The following TMEM163 variants were observed in gnomAD, a reference collection of about 807,000 sequenced individuals.
TMEM163 encodes the protein transmembrane protein 163.
A neutral mutation model predicts 29.3 loss-of-function variants in TMEM163; 17 were observed. The observed-to-expected ratio is 0.58, with a 90% CI of 0.40 to 0.87. The LOEUF (loss-of-function observed/expected upper bound fraction) is 0.87, where lower values mean the gene tolerates loss of function less well. TMEM163 is among the 40% of genes least tolerant of loss of function. The probability of loss-of-function intolerance (pLI) is 0.00; values close to 1 mark genes in which losing one functional copy is unlikely to be tolerated. For missense variants in TMEM163, 303 were observed against 381.5 expected (o/e 0.79, Z 1.71); for synonymous variants, 157 against 160.6 (o/e 0.98, Z 0.17).
intron 2 of TMEM163, among the ~76,000 whole-genome samples, chr2:134,576,361 G>A (rs1681555680): frequency 6.6e-6 from 1 of 152,090 alleles, no homozygotes; most frequent in Non-Finnish European, 1.5e-5. Flanking sequence ...ATGCCACAAG[G>A]GCCTGGTATG....
chr2:134,460,374 CA>C lies in TMEM163; in HGVS notation c.668-2202del, dbSNP rs1686507854. 6.6e-6 allele frequency among the ~76,000 whole-genome samples: 1 copy of C among 152,144 alleles called. No homozygotes were observed. The highest frequency in any genetic ancestry group is 2.4e-5 in the African/African-American group (1 of 41,422). ...CTCAGCCCCTAAACTTCCTCCCCTC[CA>C]CCCACCACTCCCTCCTGCCTCCAGC... is the stretch of plus-strand genomic sequence containing the variant. On this transcript the variant is annotated intron_variant, in intron 6 of 7. Transcript: ENST00000281924. This position sits in a 1 kb window ranked among gnomAD's most constrained non-coding sequence, Gnocchi z 4.3.
chr2:134,717,787 G>A (rs562836772), intron 1 of TMEM163, among the ~76,000 whole-genome samples: 3 of 152,216 alleles, frequency 2.0e-5, no homozygotes, highest in Non-Finnish European at 4.4e-5. Flanking sequence ...GATTCAGCAA[G>A]AAGTAGAAAA....
intron 2 of TMEM163, among the ~76,000 whole-genome samples, chr2:134,663,176 G>C (rs1038263400): frequency 1.3e-5 from 2 of 152,220 alleles, no homozygotes; most frequent in African/African-American, 4.8e-5. Flanking sequence ...CACATAGGTG[G>C]AGATGATGGC....
chr2:134,643,353 T>C (rs1034731452), intron 2 of TMEM163, among the ~76,000 whole-genome samples: 5 of 152,086 alleles, frequency 3.3e-5, no homozygotes, highest in Admixed American at 1.3e-4. Context: ...AATCCTTCTC[T>C]GAAGAGCAAA....
chr2:134,670,908 T>C (rs1683981517), intron 2 of TMEM163, among the ~76,000 whole-genome samples: 1 of 152,236 alleles, frequency 6.6e-6, no homozygotes, highest in Non-Finnish European at 1.5e-5. Context: ...CTTGTGATAT[T>C]CTGGCTCATG....
At chr2:134,711,612 A>T (rs1684929582) in intron 2 of TMEM163, among the ~76,000 whole-genome samples, 1 of 152,252 alleles carries the variant, frequency 6.6e-6, no homozygotes, top group Admixed American at 6.5e-5. Flanking sequence ...GCACTATGCA[A>T]CTGTCTTTCT....
chr2:134,537,194 A>G (rs1436223166), intron 4 of TMEM163, among the ~76,000 whole-genome samples: 2 of 152,212 alleles, frequency 1.3e-5, no homozygotes, highest in African/African-American at 4.8e-5. Flanking sequence ...GCTTATCCCA[A>G]GGCCCAGGAT....
At chr2:134,688,916 T>C (rs964277693) in intron 2 of TMEM163, among the ~76,000 whole-genome samples, 9 of 152,114 alleles carry the variant, frequency 5.9e-5, no homozygotes, top group African/African-American at 2.2e-4. Flanking sequence ...TGAAATGTAC[T>C]CCATGTGTAA....
intron 4 of TMEM163, among the ~76,000 whole-genome samples, chr2:134,513,862 A>C (rs1679999651): frequency 6.6e-6 from 1 of 152,234 alleles, no homozygotes; most frequent in Non-Finnish European, 1.5e-5. Context: ...GAAAGCCAAG[A>C]TGATTCGTCC....
chr2:134,717,659 G>A (rs1685064328), intron 1 of TMEM163, among the ~76,000 whole-genome samples: 1 of 152,180 alleles, frequency 6.6e-6, no homozygotes, highest in South Asian at 2.1e-4. Flanking sequence ...AGAAAAGGGG[G>A]TGGAGGTGCA....
chr2:134,562,633 G>A lies in TMEM163; in HGVS notation c.323-10542C>T, dbSNP rs544577082. Among the ~76,000 whole-genome samples the A allele has an allele frequency of 2.6e-5, 4 of 152,318 alleles. No homozygotes were observed. The South Asian group carries it at 8.3e-4, about 32-fold the overall frequency. On this transcript the variant is annotated intron_variant, in intron 2 of 7. Coordinates refer to ENST00000281924, the MANE Select transcript of TMEM163 (RefSeq NM_030923.5). Reference sequence around the variant, plus strand: ...AAGAAGAAAAATACACTGAATAAGGGTCCAGAGATTTGGCTTAAAGAAACT... The same window carrying A: ...AAGAAGAAAAATACACTGAATAAGGATCCAGAGATTTGGCTTAAAGAAACT...
intron 5 of TMEM163, among the ~76,000 whole-genome samples, chr2:134,470,352 G>A (rs1268531169): frequency 7.4e-6 from 1 of 135,592 alleles, no homozygotes; most frequent in Non-Finnish European, 1.6e-5. Flanking sequence ...GTGAGACTCC[G>A]TCTCAAAAAA....
chr2:134,591,898 C>G (rs1230637960), intron 2 of TMEM163, among the ~76,000 whole-genome samples: 2 of 136,002 alleles, frequency 1.5e-5, no homozygotes, highest in Non-Finnish European at 3.1e-5. Context: ...GACACACAGA[C>G]AGTGTTGATT....
At chr2:134,542,975 T>C (rs1020674511) in intron 4 of TMEM163, among the ~76,000 whole-genome samples, 1 of 152,226 alleles carries the variant, frequency 6.6e-6, no homozygotes, top group African/African-American at 2.4e-5. Flanking sequence ...ACACTAGTAA[T>C]ATCGGATTAG....
intron 2 of TMEM163, among the ~76,000 whole-genome samples, chr2:134,584,957 C>G (rs939462358): frequency 6.6e-6 from 1 of 152,140 alleles, no homozygotes; most frequent in African/African-American, 2.4e-5. Flanking sequence ...AGTGACCTGC[C>G]AACTACTCCA....
chr2:134,606,601 C>T (rs765672393), intron 2 of TMEM163, among the ~76,000 whole-genome samples: 4 of 152,264 alleles, frequency 2.6e-5, no homozygotes, highest in South Asian at 4.2e-4. Flanking sequence ...AGGAGCTGCG[C>T]GAAGACAGGG....
chr2:134,601,944 G>A (rs1403322527), intron 2 of TMEM163, among the ~76,000 whole-genome samples: 1 of 152,106 alleles, frequency 6.6e-6, no homozygotes, highest in Non-Finnish European at 1.5e-5. Context: ...AGATACCTGG[G>A]GGAAGAGCAT....
At chr2:134,512,373 C>T (rs1025714546) in intron 4 of TMEM163, among the ~76,000 whole-genome samples, 79 of 152,254 alleles carry the variant, frequency 5.2e-4, no homozygotes, top group African/African-American at 1.8e-3. Flanking sequence ...GCAGGAGAAT[C>T]GCTCGAGCCT....
intron 2 of TMEM163, among the ~76,000 whole-genome samples, chr2:134,574,976 G>A (rs1681517302): frequency 6.7e-6 from 1 of 149,742 alleles, no homozygotes; most frequent in African/African-American, 2.4e-5. Flanking sequence ...TAGCAGGGCT[G>A]TAACTGTATG....
Sources: allele counts gnomAD v4.1 joint callset (sites outside exome capture counted in the v4.1 genomes callset), GRCh38; gene constraint gnomAD v4.1.1; non-coding constraint Gnocchi (gnomAD v3.1); transcripts MANE v1.5; gene names NCBI Gene and HGNC (gene_info 2026-07-23, HGNC 2026-07-21).